TTC34: variants seen among roughly 807,000 people sequenced by gnomAD.
TTC34 encodes the protein tetratricopeptide repeat protein 34.
A neutral mutation model predicts 40.7 loss-of-function variants in TTC34; 44 were observed. The observed-to-expected ratio is 1.08, with a 90% CI of 0.85 to 1.39. The LOEUF (loss-of-function observed/expected upper bound fraction) is 1.39, where lower values mean the gene tolerates loss of function less well. Ranked by LOEUF, TTC34 falls within the 40% of genes most tolerant of loss-of-function variation. The pLI is 0.00. For missense variants in TTC34, 884 were observed against 838.0 expected (o/e 1.05, Z -0.68); for synonymous variants, 422 against 398.6 (o/e 1.06, Z -0.70).
At chr1:2,666,031 C>G (rs1639639736) in intron 6 of TTC34, among the ~76,000 whole-genome samples, 2 of 56,850 alleles carry the variant, frequency 3.5e-5, no homozygotes, top group Non-Finnish European at 8.6e-5. Context: ...CATCTGACAG[C>G]CTGGAACAGC....
At chr1:2,640,264 G>C (rs548905803) in exon 9 of TTC34, 1 of 152,242 alleles carries the variant, frequency 6.6e-6, no homozygotes, top group Non-Finnish European at 1.5e-5. Flanking sequence ...AAAGCCCCGG[G>C]CTGAGGCCTC....
At chr1:2,753,338 C>G (rs1339458814) in intron 6 of TTC34, among the ~76,000 whole-genome samples, 78 of 99,170 alleles carry the variant, frequency 7.9e-4, no homozygotes, top group African/African-American at 1.3e-3. Context: ...ACCCACACCC[C>G]CAGACGAGCA....
chr1:2,756,093 C>A (rs1641495999), intron 6 of TTC34, among the ~76,000 whole-genome samples: 1 of 68,132 alleles, frequency 1.5e-5, no homozygotes, highest in African/African-American at 1.2e-4. Context: ...CAGCGTGGAA[C>A]AGCACCCTGC....
Position 2,653,268 on chromosome 1 carries a change from C to A in TTC34, c.2227-7705G>T, listed in dbSNP as rs1193920537. Among the ~76,000 whole-genome samples, 62 of 133,752 alleles carry A rather than the reference C, an allele frequency of 4.6e-4. No individual in the cohort carries two copies. In the East Asian group the frequency reaches 0.015, roughly 33 times the overall value. 87.7% of individuals were successfully genotyped at this position (133,752 alleles called of 152,430 possible). ...ACATGCCCAGGTGAGCCTCTGACAA[C>A]CTGGAACAGCACCCTGCACCCCCAG... On this transcript the variant is annotated intron_variant, in intron 6 of 8. Coordinates refer to ENST00000401095, the Ensembl canonical transcript of TTC34.
chr1:2,752,310 A>T (rs1255820582), intron 6 of TTC34, among the ~76,000 whole-genome samples: 1 of 117,792 alleles, frequency 8.5e-6, no homozygotes, highest in Non-Finnish European at 1.7e-5. Flanking sequence ...AGCATCTGAC[A>T]GCCTGGAACA....
chr1:2,656,354 C>T (rs1277607296), intron 6 of TTC34, among the ~76,000 whole-genome samples: 6 of 133,126 alleles, frequency 4.5e-5, no homozygotes, highest in Admixed American at 1.6e-4. Context: ...GAGCATCTGA[C>T]AGCCTGGAAC....
At chr1:2,760,414 A>T (rs1235807595) in intron 6 of TTC34, among the ~76,000 whole-genome samples, 1 of 52,944 alleles carries the variant, frequency 1.9e-5, no homozygotes, top group Non-Finnish European at 2.9e-5. Context: ...CCCACAGGCG[A>T]GCATCTGACA....
intron 6 of TTC34, among the ~76,000 whole-genome samples, chr1:2,753,181 G>C (rs1641383441): frequency 1.6e-5 from 2 of 122,094 alleles, no homozygotes; most frequent in Non-Finnish European, 3.3e-5. Flanking sequence ...ACACCCCCAG[G>C]TGAGCATCTG....
Position 2,777,059 on chromosome 1 carries a change from G to A in TTC34, c.2226+6550C>T, listed in dbSNP as rs1462691778. 8.2e-4 allele frequency among the ~76,000 whole-genome samples: 18 copies of A among 21,956 alleles called. 1 individual carries two copies. The East Asian group carries it at 8.6e-3, about 10-fold the overall frequency. The allele number at this position is 21,956 out of a possible 152,430, so 14.4% of individuals were successfully genotyped here. ...GAGCAGCACCCACACCCCCAGGTGA[G>A]CATCTGACATCCTGGAACAGCACCC... On this transcript the variant is annotated intron_variant, in intron 6 of 8. Transcript: ENST00000401095.
Position 2,790,294 on chromosome 1 carries a change from C to G in TTC34, c.837G>C (p.Leu279=), listed in dbSNP as rs911272266. Reference sequence around the variant, plus strand: ...AAAACACGTCCTGGGCCCGGCCGTCCAGGAAGAAGGCCGAGGCCGCGCGGG... The same window carrying G: ...AAAACACGTCCTGGGCCCGGCCGTCGAGGAAGAAGGCCGAGGCCGCGCGGG... Residue 279 remains leucine, a synonymous_variant, in exon 3 of 9, where the codon CTG becomes CTC. Coordinates refer to ENST00000401095, the Ensembl canonical transcript of TTC34. 10 of 398,452 alleles carry G rather than the reference C, an allele frequency of 2.5e-5. No homozygotes were observed. In the Admixed American group the frequency reaches 3.1e-4, roughly 12 times the overall value. The allele number at this position is 398,452 out of a possible 1,614,324, so 24.7% of individuals were successfully genotyped here.
In TTC34 at chr1:2,651,777, A is replaced by T. The variant is rs1570751975; in HGVS notation, c.2227-6214T>A. On this transcript the variant is annotated intron_variant, in intron 6 of 8. Coordinates refer to ENST00000401095, the Ensembl canonical transcript of TTC34. ...CAGCACCCTCCACCCTCAGATGAGCATCTGACAGCCGGAAAAACACCCTCC... is the reference window on the plus strand; with the variant it reads ...CAGCACCCTCCACCCTCAGATGAGCTTCTGACAGCCGGAAAAACACCCTCC... 5.3e-5 allele frequency among the ~76,000 whole-genome samples: 8 copies of T among 152,136 alleles called. No homozygotes were observed. In the South Asian group the frequency reaches 1.7e-3, roughly 32 times the overall value.
intron 6 of TTC34, among the ~76,000 whole-genome samples, chr1:2,653,597 C>G (rs1426362008): frequency 7.3e-6 from 1 of 136,716 alleles, no homozygotes; most frequent in Admixed American, 7.8e-5. Flanking sequence ...CATCGTGGAG[C>G]AGCACCCTAC....
intron 6 of TTC34, among the ~76,000 whole-genome samples, chr1:2,769,550 T>C (rs112711827): frequency 0.065 from 1,120 of 17,156 alleles, no homozygotes; most frequent in Admixed American, 0.087. Context: ...ACCCCACACC[T>C]CCAGGGGAGC....
At chr1:2,748,464 G>T (rs1641217291) in intron 6 of TTC34, among the ~76,000 whole-genome samples, 1 of 146,406 alleles carries the variant, frequency 6.8e-6, no homozygotes, top group African/African-American at 2.6e-5. Context: ...CTGACAGCCT[G>T]GAAGAGCACC....
chr1:2,697,209 G>A (rs1250590633), intron 6 of TTC34, among the ~76,000 whole-genome samples: 3 of 109,140 alleles, frequency 2.7e-5, no homozygotes, highest in African/African-American at 7.3e-5. Flanking sequence ...ACATCCCCAG[G>A]TGAGCATCTG....
At chr1:2,641,735 C>T (rs1222590924) in exon 9 of TTC34, 10 of 1,535,348 alleles carry the variant, frequency 6.5e-6, no homozygotes, top group Non-Finnish European at 8.7e-6. Flanking sequence ...GTCCAGGTCC[C>T]TAAGGGCCCG....
intron 2 of TTC34, among the ~76,000 whole-genome samples, chr1:2,797,780 CCT>C (rs1278193647): frequency 5.3e-5 from 8 of 151,924 alleles, no homozygotes; most frequent in Admixed American, 5.2e-4. Context: ...GGCGTCTAAA[CCT>C]CTGACACCCC....
chr1:2,687,603 A>G (rs1329370340), intron 6 of TTC34, among the ~76,000 whole-genome samples: 2 of 146,610 alleles, frequency 1.4e-5, no homozygotes, highest in East Asian at 2.0e-4. Flanking sequence ...AACAGCACCC[A>G]CACCCCCAGG....
At chr1:2,773,141 C>CTT (rs1642564982) in intron 6 of TTC34, among the ~76,000 whole-genome samples, 1 of 147,854 alleles carries the variant, frequency 6.8e-6, no homozygotes, top group Non-Finnish European at 1.5e-5. Flanking sequence ...CACACAACCC[C>CTT]AGGCGAGCAT....
Sources: gnomAD v4.1 joint callset for allele counts (sites outside exome capture counted in the v4.1 genomes callset) on GRCh38, gnomAD v4.1.1 for gene constraint, MANE v1.5 for transcripts, NCBI Gene and HGNC (gene_info 2026-07-23, HGNC 2026-07-21) for gene names.